CYP17A1: variants seen among roughly 807,000 people sequenced by gnomAD.
CYP17A1 encodes steroid 17-alpha-hydroxylase/17,20 lyase.
CYP17A1 carries 27 observed loss-of-function variants against 38.5 expected under a neutral mutation model. The observed-to-expected ratio is 0.70, with a 90% CI of 0.52 to 0.97. CYP17A1 has a LOEUF of 0.97. Among genes scored for constraint, CYP17A1 ranks in the 50% least tolerant of loss-of-function variants. CYP17A1 has a pLI of 0.00. For missense variants in CYP17A1, 549 were observed against 645.9 expected, an observed-to-expected ratio of 0.85 and a Z score of 1.63; for synonymous variants, 263 against 253.3, an observed-to-expected ratio of 1.04 and a Z score of -0.36.
chr10:102,836,733 A>G (rs1844167283), intron 1 of CYP17A1: 1 of 395,366 alleles, frequency 2.5e-6, no homozygotes, highest in Non-Finnish European at 4.8e-6. Context: ...TGCTAGGCTA[A>G]GTGCTGTACA....
chr10:102,832,204 G>T (rs1239440543), intron 6 of CYP17A1, among the ~76,000 whole-genome samples: 1 of 152,146 alleles, frequency 6.6e-6, no homozygotes, highest in Non-Finnish European at 1.5e-5. Context: ...CTCCTGAGTA[G>T]CTGGGACTAC....
At chr10:102,834,485 A>C in intron 3 of CYP17A1, 1 of 562,130 alleles carries the variant, frequency 1.8e-6, no homozygotes, top group East Asian at 3.1e-5. Flanking sequence ...GGGGATAATA[A>C]AACCTACTTC....
rs4919687 is a variant in CYP17A1 at position 102,835,491 on chromosome 10, G to A, written c.298-99C>T. On this transcript the variant is annotated intron_variant, in intron 1 of 7. Transcript: ENST00000369887. ...GCTTTCCTTCCTGGAGGAGAAGGCAGGTACCTGGCATGCTGACTCCCATGT... is the reference window on the plus strand; with the variant it reads ...GCTTTCCTTCCTGGAGGAGAAGGCAAGTACCTGGCATGCTGACTCCCATGT... 0.26 allele frequency: 268,274 copies of A among 1,034,328 alleles called. 37,065 individuals are homozygous for A. The highest frequency in any genetic ancestry group is 0.29 in the Non-Finnish European group (190,319 of 654,022). The allele number at this position is 1,034,328 out of a possible 1,614,324, so 64.1% of individuals were successfully genotyped here.
chr10:102,833,015 G>T lies in CYP17A1; in HGVS notation c.947C>A (p.Ala316Asp), dbSNP rs764442967. 1 of 1,614,062 alleles carries T rather than the reference G, an allele frequency of 6.2e-7. No homozygotes were observed. Among genetic ancestry groups the T allele is most frequent in the Non-Finnish European group, 8.5e-7 (1 of 1,180,044 alleles). The change falls in exon 5 of 8, where the codon GCC becomes GAC. Residue 316 changes from alanine (A) to aspartate (D), a missense_variant. Coordinates refer to ENST00000369887, the MANE Select transcript of CYP17A1 (RefSeq NM_000102.4). ...TTTSVVKWTL[A>D]FLLHNPQVKK... ...CACCTGAGGATTGTGCAGCAGGAAG[G>T]CCAGGGTCCATTTAACCACAGAGGT...
Position 102,832,553 on chromosome 10 carries a change from A to C in CYP17A1, c.1097T>G (p.Val366Gly). Residue 366 changes from valine to glycine, a missense_variant, in exon 6 of 8, where the codon GTG becomes GGG. Transcript: ENST00000369887. ...CTTGTGGGGGATGAGCATAGGGGCC[A>C]CGGGCCTGAGGCGAAGCACCTCTCG... ...TIREVLRLRP[V>G]APMLIPHKAN... is the part of the protein sequence containing the mutation. The C allele has an allele frequency of 6.2e-7, 1 of 1,612,114 alleles. No homozygotes were observed.
chr10:102,834,209 C>G, intron 3 of CYP17A1, 87 bp from the exon 4 acceptor site: 4 of 752,910 alleles, frequency 5.3e-6, no homozygotes, highest in Non-Finnish European at 9.6e-6. Context: ...CGGATCTTAG[C>G]TTTCTGTCTC....
rs3740397 is a variant in CYP17A1, at chr10:102,832,918, G to C, written c.969+75C>G. The C allele has an allele frequency of 0.37, 591,597 of 1,579,130 alleles. 112,118 individuals are homozygous for C. Among genetic ancestry groups the C allele is most frequent in the East Asian group, 0.44 (18,967 of 43,510 alleles). ...GTCTTCCTGCACAGAAAGCCTGAGA[G>C]AATTGGCTCTCCCTTTCTCTGGAGC... On this transcript the variant is annotated intron_variant, in intron 5 of 7. Transcript: ENST00000369887.
rs1293394297 is a variant in CYP17A1 at position 102,831,001 on chromosome 10, G to A, written c.1244-16C>T. 7.1e-6 allele frequency: 11 copies of A among 1,545,292 alleles called. No individual in the cohort carries two copies. The highest frequency in any genetic ancestry group is 9.7e-6 in the Non-Finnish European group (11 of 1,136,312). ...AAGAAACGCTCTGCAGGCAAGGAGT[G>A]GCATCAGCCAGGGGTTAGGGCAGGA... On this transcript the variant is annotated splice_polypyrimidine_tract_variant and intron_variant, in intron 7 of 7. Transcript: ENST00000369887.
At chr10:102,831,322 G>A (rs1844085659) in intron 7 of CYP17A1, among the ~76,000 whole-genome samples, 186 bp downstream of exon 7, 1 of 152,220 alleles carries the variant, frequency 6.6e-6, no homozygotes, top group Non-Finnish European at 1.5e-5. Context: ...TGGAAGAAGA[G>A]CGTGGGAAAC....
At chr10:102,835,663 T>C (rs3781287) in intron 1 of CYP17A1, 3 of 487,250 alleles carry the variant, frequency 6.2e-6, no homozygotes, top group African/African-American at 5.9e-5. Flanking sequence ...TTGGGGTTCT[T>C]TTCGCTGACA....
chr10:102,831,588 T>C lies in CYP17A1; in HGVS notation c.1163A>G (p.Lys388Arg). ...CAGATTGATGATAACTTCTGTGCCC[T>C]TGTCCACAGCAAACTCACCGATGCT... ...DSSIGEFAVD[K>R]GTEVIINLWA... The change falls in exon 7 of 8, where the codon AAG (lysine) becomes AGG (arginine). Residue 388 changes from lysine to arginine, a missense_variant. Physicochemically the swap from Lys to Arg is conservative, Grantham distance 26 (BLOSUM62 2). Around this residue, in one of 3 missense-constraint regions of CYP17A1, gnomAD observed 257 missense variants for 307.9 expected, o/e 0.83. Coordinates refer to ENST00000369887, the MANE Select transcript of CYP17A1 (RefSeq NM_000102.4). 1 of 1,613,930 alleles carries C rather than the reference T, an allele frequency of 6.2e-7. No homozygotes were observed. Among genetic ancestry groups the C allele is most frequent in the Non-Finnish European group, 8.5e-7 (1 of 1,180,020 alleles).
At chr10:102,833,449 C>T (rs1401048966) in intron 4 of CYP17A1, 3 of 569,866 alleles carry the variant, frequency 5.3e-6, no homozygotes, top group African/African-American at 3.9e-5. Context: ...ATCCCAACTC[C>T]TTGAGTCAGT....
At position 102,833,793 on chromosome 10, in the gene CYP17A1, T is replaced by C. The variant is rs188115579; in HGVS notation, c.753+243A>G. ...TTTTAGTACAGACGGGGTTTCACCA[T>C]ATTGGCCAGGCTCATCTCGAACTCC... On this transcript the variant is annotated intron_variant, in intron 4 of 7. Coordinates refer to ENST00000369887, the MANE Select transcript of CYP17A1 (RefSeq NM_000102.4). 2.9e-4 allele frequency: 130 copies of C among 450,978 alleles called. No homozygotes were observed. The East Asian group carries it at 5.7e-3, about 20-fold the overall frequency. 27.9% of individuals were successfully genotyped at this position (450,978 alleles called of 1,614,324 possible).
chr10:102,834,846 T>C lies in CYP17A1; in HGVS notation c.605A>G (p.Asn202Ser). 1 of 1,614,148 alleles carries C rather than the reference T, an allele frequency of 6.2e-7. No homozygotes were observed. The highest frequency in any genetic ancestry group is 8.5e-7 in the Non-Finnish European group (1 of 1,180,026). Residue 202 changes from asparagine to serine, a missense_variant, in exon 3 of 8, where the codon AAT becomes AGT. By Grantham distance (46) the Asn-to-Ser change is conservative (BLOSUM62 1). Coordinates refer to ENST00000369887, the MANE Select transcript of CYP17A1 (RefSeq NM_000102.4). ...DPELNVIQNY[N>S]EGIIDNLSKD... is the part of the protein sequence containing the mutation. ...GCTCAGGTTGTCTATGATGCCTTCA[T>C]TGTAATTCTGTATGACATTCAACTC...
At position 102,832,594 on chromosome 10, in the gene CYP17A1, CAGG is replaced by C. The variant is rs1590203064; in HGVS notation, c.1053_1055del (p.Leu353del). The C allele has an allele frequency of 6.2e-7, 1 of 1,607,150 alleles. No homozygotes were observed. The highest frequency in any genetic ancestry group is 8.5e-7 in the Non-Finnish European group (1 of 1,173,598). On this transcript the variant is annotated inframe_deletion, in exon 6 of 8. Coordinates refer to ENST00000369887, the MANE Select transcript of CYP17A1 (RefSeq NM_000102.4). The stretch of plus-strand genomic sequence containing the variant: ...GCACCTCTCGGATGGTGGCCTCCAG[CAGG>C]AGGAGACGGTTACGGTCACTGATAG...
At chr10:102,835,107 TAGC>T (rs1396981926) in intron 2 of CYP17A1, 93 bp from the exon 3 acceptor site, 11 of 1,085,274 alleles carry the variant, frequency 1.0e-5, no homozygotes, top group Non-Finnish European at 1.5e-5. Flanking sequence ...GGGGGACAGA[TAGC>T]AGATGGCCAC....
chr10:102,832,963 G>A (rs1238420407), intron 5 of CYP17A1, 30 bp downstream of exon 5: 1 of 1,611,272 alleles, frequency 6.2e-7, no homozygotes, highest in African/African-American at 1.3e-5. Flanking sequence ...GGGCTGGCTG[G>A]GGTCTAGGAT....
chr10:102,834,610 T>C (rs759190384), intron 3 of CYP17A1, 175 bp downstream of exon 3: 1 of 823,532 alleles, frequency 1.2e-6, no homozygotes, highest in Non-Finnish European at 2.0e-6. Flanking sequence ...AAAGGCTAAA[T>C]CTATCTCTGC....
intron 4 of CYP17A1, 137 bp downstream of exon 4, chr10:102,833,899 C>T (rs1844124355): frequency 1.5e-6 from 1 of 659,036 alleles, no homozygotes; most frequent in African/African-American, 1.8e-5. Flanking sequence ...GCCCTTAAGT[C>T]AGTTTTTATT....
Sources: gnomAD v4.1 joint callset for allele counts (sites outside exome capture counted in the v4.1 genomes callset) on GRCh38, gnomAD v4.1.1 for gene constraint, gnomAD v4.1.1 regional missense constraint, MANE v1.5 for transcripts, NCBI Gene and HGNC (gene_info 2026-07-23, HGNC 2026-07-21) for gene names.